CSGALNACT1: variants seen among roughly 807,000 people sequenced by gnomAD.
CSGALNACT1 encodes chondroitin sulfate N-acetylgalactosaminyltransferase 1.
Under a neutral mutation model 51.0 loss-of-function variants are expected in CSGALNACT1, and 52 were observed. The observed-to-expected ratio is 1.02, with a 90% CI of 0.82 to 1.29. The LOEUF is 1.29. CSGALNACT1 is among the 50% of genes most tolerant of loss of function. The probability of loss-of-function intolerance (pLI) is 0.00; values close to 1 mark genes in which losing one functional copy is unlikely to be tolerated. For synonymous variants in CSGALNACT1, 341 were observed against 254.4 expected, an observed-to-expected ratio of 1.34 and a Z score of -3.24; for missense variants, 935 against 679.2, an observed-to-expected ratio of 1.38 and a Z score of -4.19.
chr8:19,564,600 C>T (rs1031761452), intron 3 of CSGALNACT1, among the ~76,000 whole-genome samples: 4 of 152,034 alleles, frequency 2.6e-5, no homozygotes, highest in Admixed American at 6.5e-5. Context: ...AAGAGCGGCC[C>T]TATATGCTTA....
chr8:19,724,517 C>T (rs2063290681), intron 1 of CSGALNACT1, among the ~76,000 whole-genome samples: 2 of 152,180 alleles, frequency 1.3e-5, no homozygotes, highest in Non-Finnish European at 2.9e-5. Context: ...GATACTGAAC[C>T]CACCCAGATA....
intron 9 of CSGALNACT1, 134 bp from the exon 9 acceptor site, chr8:19,406,203 C>T (rs771918580): frequency 8.8e-5 from 91 of 1,031,210 alleles, no homozygotes; most frequent in Non-Finnish European, 1.2e-4. Flanking sequence ...CTCCAAGGTA[C>T]GAGAGTGTCC....
intron 1 of CSGALNACT1, among the ~76,000 whole-genome samples, chr8:19,756,052 C>T (rs2065352749): frequency 6.6e-6 from 1 of 152,120 alleles, no homozygotes; most frequent in South Asian, 2.1e-4. Flanking sequence ...ATTCATCTTG[C>T]CTTTCTGCGT....
At chr8:19,485,496 T>C (rs1164014749) in intron 4 of CSGALNACT1, among the ~76,000 whole-genome samples, 6 of 152,110 alleles carry the variant, frequency 3.9e-5, no homozygotes, top group Admixed American at 2.6e-4. Context: ...GGATAGGAGA[T>C]AGGACACCCC....
intron 4 of CSGALNACT1, among the ~76,000 whole-genome samples, chr8:19,467,711 A>T (rs1286606489): frequency 6.6e-6 from 1 of 152,142 alleles, no homozygotes; most frequent in African/African-American, 2.4e-5. Context: ...TGGTCCAGGC[A>T]GGGTGGCTCA....
At chr8:19,518,788 T>C (rs1324724230) in intron 3 of CSGALNACT1, among the ~76,000 whole-genome samples, 1 of 152,156 alleles carries the variant, frequency 6.6e-6, no homozygotes, top group Non-Finnish European at 1.5e-5. Context: ...CCTAAGCAGA[T>C]TGCAGGCAGA....
chr8:19,606,430 T>G (rs1273675100), upstream of CSGALNACT1, among the ~76,000 whole-genome samples: 2 of 152,234 alleles, frequency 1.3e-5, no homozygotes, highest in Non-Finnish European at 2.9e-5. Flanking sequence ...AAAGGCCTCT[T>G]GGATGTCACA....
intron 1 of CSGALNACT1, among the ~76,000 whole-genome samples, chr8:19,658,735 A>G (rs1257700500): frequency 1.3e-5 from 2 of 152,108 alleles, no homozygotes; most frequent in Non-Finnish European, 2.9e-5. Context: ...CCCTGTCTCA[A>G]AACAACAACA....
At chr8:19,628,289 G>A (rs1252801151) in intron 1 of CSGALNACT1, among the ~76,000 whole-genome samples, 1 of 152,176 alleles carries the variant, frequency 6.6e-6, no homozygotes, top group Non-Finnish European at 1.5e-5. Flanking sequence ...CCAAGGAGAA[G>A]TAAGGTACAT....
At chr8:19,500,757 T>G (rs532416266) in intron 4 of CSGALNACT1, among the ~76,000 whole-genome samples, 2 of 152,228 alleles carry the variant, frequency 1.3e-5, no homozygotes, top group South Asian at 4.1e-4. Flanking sequence ...CTTTAAAACG[T>G]ATCTCAAGGT....
At chr8:19,427,698 G>A (rs1049483798) in intron 6 of CSGALNACT1, among the ~76,000 whole-genome samples, 1 of 152,092 alleles carries the variant, frequency 6.6e-6, no homozygotes. Flanking sequence ...TGAGGCAAAA[G>A]AATGGTGTGA....
intron 1 of CSGALNACT1, among the ~76,000 whole-genome samples, chr8:19,644,013 T>C (rs1053473339): frequency 4.6e-5 from 7 of 152,264 alleles, no homozygotes; most frequent in African/African-American, 1.4e-4. Context: ...CATAGGAGCA[T>C]TGTTCATAAA....
In CSGALNACT1 at chr8:19,415,791, A is replaced by G. The variant is rs190942206; in HGVS notation, c.1227+2865T>C. On this transcript the variant is annotated intron_variant, in intron 8 of 9. Coordinates refer to ENST00000454498, the Ensembl canonical transcript of CSGALNACT1. ...ACTTTGATTGGCAGAAAGAAAATAA[A>G]TCCTATATCCTGTTTCCCTTTCAAT... Among the ~76,000 whole-genome samples the G allele has an allele frequency of 3.3e-5, 5 of 152,350 alleles. No homozygotes were observed. In the East Asian group the frequency reaches 9.6e-4, roughly 29 times the overall value.
chr8:19,545,168 T>G (rs889918894), intron 3 of CSGALNACT1, among the ~76,000 whole-genome samples: 1 of 152,186 alleles, frequency 6.6e-6, no homozygotes, highest in Non-Finnish European at 1.5e-5. Context: ...ATCTCTGGAC[T>G]TGACCCAGTC....
intron 3 of CSGALNACT1, among the ~76,000 whole-genome samples, chr8:19,545,359 A>G (rs1161249515): frequency 1.3e-5 from 2 of 152,218 alleles, no homozygotes; most frequent in Non-Finnish European, 2.9e-5. Context: ...AAATTCATAG[A>G]TAACCCTTTC....
intron 4 of CSGALNACT1, among the ~76,000 whole-genome samples, chr8:19,493,071 A>C (rs1255914835): frequency 2.8e-5 from 4 of 141,456 alleles, no homozygotes; most frequent in East Asian, 2.5e-4. Context: ...AAAAAAAAAA[A>C]CATCTGTAAA....
chr8:19,678,308 A>G (rs1348308645), intron 1 of CSGALNACT1, among the ~76,000 whole-genome samples: 1 of 152,186 alleles, frequency 6.6e-6, no homozygotes, highest in African/African-American at 2.4e-5. Flanking sequence ...AGCATGTAAT[A>G]CTGAAACCTA....
At chr8:19,529,263 T>G (rs1254120784) in intron 3 of CSGALNACT1, among the ~76,000 whole-genome samples, 2 of 152,150 alleles carry the variant, frequency 1.3e-5, no homozygotes, top group Non-Finnish European at 2.9e-5. Flanking sequence ...CAGAAATTTT[T>G]CCAGAAGTTT....
intron 1 of CSGALNACT1, among the ~76,000 whole-genome samples, chr8:19,608,419 C>G (rs544753153): frequency 2.9e-4 from 44 of 152,292 alleles, no homozygotes; most frequent in African/African-American, 1.0e-3. Flanking sequence ...GACCCTTGAG[C>G]AAGTCACCTG....
Sources: gnomAD v4.1 joint callset for allele counts (sites outside exome capture counted in the v4.1 genomes callset) on GRCh38, gnomAD v4.1.1 for gene constraint, MANE v1.5 for transcripts, NCBI Gene and HGNC (gene_info 2026-07-23, HGNC 2026-07-21) for gene names.